ADGRD1: variants seen among roughly 807,000 people sequenced by gnomAD.
ADGRD1 encodes the protein G-protein coupled receptor 133.
Under a neutral mutation model 113.4 loss-of-function variants are expected in ADGRD1, and 77 were observed. The ratio of observed to expected loss-of-function variants is 0.68; its 90% CI spans 0.57 to 0.82. ADGRD1 has a LOEUF of 0.82. Ranked by LOEUF, ADGRD1 falls within the 40% of genes least tolerant of loss-of-function variation. The pLI is 0.00. For synonymous variants in ADGRD1, 474 were observed against 475.0 expected, an observed-to-expected ratio of 1.00 and a Z score of 0.03; for missense variants, 1,036 against 1,139.1, an observed-to-expected ratio of 0.91 and a Z score of 1.30.
At chr12:131,071,230 T>G (rs1181601697) in intron 13 of ADGRD1, among the ~76,000 whole-genome samples, 2 of 100,200 alleles carry the variant, frequency 2.0e-5, no homozygotes, top group African/African-American at 4.0e-5. Flanking sequence ...TGCAAGGAGG[T>G]GGGGCTAAGC....
intron 13 of ADGRD1, among the ~76,000 whole-genome samples, chr12:131,015,401 A>AATGGAG (rs934482531): frequency 1.4e-5 from 2 of 140,960 alleles, no homozygotes; most frequent in African/African-American, 2.7e-5. Context: ...TGGACATGGG[A>AATGGAG]ATGGAGATGG....
In ADGRD1 at chr12:131,005,951, GC is replaced by G; in HGVS notation, c.1256-17del. ...GTGGCCTGGAGCGCTGACAGCGCCT[GC>G]CCCTCTGCTCTCTCTGCAGCCTGGA... On this transcript the variant is annotated intron_variant, in intron 11 of 24. Coordinates refer to ENST00000261654, the MANE Select transcript of ADGRD1 (RefSeq NM_198827.5). The G allele has an allele frequency of 6.2e-7, 1 of 1,602,540 alleles. No homozygotes were observed.
At chr12:131,070,027 T>G (rs2137128354) in intron 13 of ADGRD1, 1 of 152,332 alleles carries the variant, frequency 6.6e-6, no homozygotes, top group East Asian at 1.9e-4. Flanking sequence ...GAGGTTCCTA[T>G]TCCCACGGAG....
intron 13 of ADGRD1, among the ~76,000 whole-genome samples, chr12:131,031,696 G>T (rs560297171): frequency 2.0e-5 from 3 of 152,046 alleles, no homozygotes; most frequent in Non-Finnish European, 4.4e-5. Context: ...CCACCTCCAT[G>T]GATCTCTGTG....
chr12:131,104,450 G>A lies in ADGRD1; in HGVS notation c.1672-381G>A, dbSNP rs112956170. Among the ~76,000 whole-genome samples, 138 of 152,296 alleles carry A rather than the reference G, an allele frequency of 9.1e-4. 1 individual carries two copies. The highest frequency in any genetic ancestry group is 4.8e-3 in the East Asian group (25 of 5,180). On this transcript the variant is annotated intron_variant, in intron 15 of 24. Transcript: ENST00000261654. ...CATGGCCCAGATTGTCAGCCAGGAC[G>A]TGGCCCAGCTGGGACTTGAACCCGG... is the stretch of plus-strand genomic sequence containing the variant.
intron 9 of ADGRD1, among the ~76,000 whole-genome samples, chr12:131,001,673 C>T (rs1345900925): frequency 6.6e-6 from 1 of 152,174 alleles, no homozygotes; most frequent in African/African-American, 2.4e-5. Flanking sequence ...AGAGGAGCCT[C>T]TTCTCCACCC....
chr12:131,116,632 G>A (rs1305932545), intron 18 of ADGRD1, among the ~76,000 whole-genome samples: 3 of 149,740 alleles, frequency 2.0e-5, no homozygotes, highest in African/African-American at 2.6e-5. Flanking sequence ...AGCTACGGAG[G>A]CAGAGAGCCA....
At chr12:131,083,779 G>A (rs1414715109) in intron 14 of ADGRD1, among the ~76,000 whole-genome samples, 1 of 152,164 alleles carries the variant, frequency 6.6e-6, no homozygotes, top group African/African-American at 2.4e-5. Context: ...ATATCCACAC[G>A]TTATTCACGT....
chr12:131,006,105 C>A, intron 12 of ADGRD1, 58 bp downstream of exon 12: 2 of 1,442,462 alleles, frequency 1.4e-6, no homozygotes, highest in Non-Finnish European at 1.9e-6. Flanking sequence ...TGCTGGGTGG[C>A]TGGCCACAGG....
At chr12:130,990,634 C>A (rs1874260685) in intron 6 of ADGRD1, 1 of 181,988 alleles carries the variant, frequency 5.5e-6, no homozygotes, top group Non-Finnish European at 1.1e-5. Flanking sequence ...CTGTGCTGGC[C>A]CAGCGAGTTG....
intron 9 of ADGRD1, chr12:131,002,714 A>C: frequency 8.1e-7 from 1 of 1,232,492 alleles, no homozygotes; most frequent in Non-Finnish European, 1.0e-6. Flanking sequence ...GCAGCCAGAG[A>C]TAGCTCTGGG....
chr12:130,967,562 G>A (rs796827854), intron 3 of ADGRD1: 2 of 152,734 alleles, frequency 1.3e-5, no homozygotes, highest in South Asian at 4.1e-4. Context: ...TTAAAACCAT[G>A]TATTGCTGGT....
intron 4 of ADGRD1, among the ~76,000 whole-genome samples, chr12:130,980,173 C>T (rs918463311): frequency 4.0e-5 from 6 of 151,760 alleles, no homozygotes; most frequent in African/African-American, 7.3e-5. Context: ...GGCACAATCT[C>T]GGCTCACTGC....
intron 13 of ADGRD1, among the ~76,000 whole-genome samples, chr12:131,053,092 C>T (rs1302905805): frequency 6.6e-6 from 1 of 152,246 alleles, no homozygotes; most frequent in Non-Finnish European, 1.5e-5. Context: ...CTGGGCCTTT[C>T]TCGGTCAGAT....
rs576328694 is a variant in ADGRD1 at position 131,087,022 on chromosome 12, C to A, written c.1671+2359C>A. ...CTGGGCTCAGGCTATCCTCCCACCT[C>A]AGCCTCCCAAGTAGCTGGGACTACA... On this transcript the variant is annotated intron_variant, in intron 15 of 24. Coordinates refer to ENST00000261654, the MANE Select transcript of ADGRD1 (RefSeq NM_198827.5). Among the ~76,000 whole-genome samples the A allele has an allele frequency of 3.3e-5, 5 of 152,300 alleles. No individual in the cohort carries two copies. The South Asian group carries it at 1.0e-3, about 32-fold the overall frequency.
rs1457034639 is a variant in ADGRD1, at chr12:130,966,199, G to C, written c.104-264G>C. 1.3e-5 allele frequency among the ~76,000 whole-genome samples: 2 copies of C among 152,172 alleles called. No individual in the cohort carries two copies. Among genetic ancestry groups the C allele is most frequent in the African/African-American group, 2.4e-5 (1 of 41,430 alleles). The stretch of plus-strand genomic sequence containing the variant: ...TAGTGTGTCACCAGTAAATGCAGTG[G>C]CTTCTGTTTTCATGCAACAAGAGGC... On this transcript the variant is annotated intron_variant, in intron 2 of 24. Coordinates refer to ENST00000261654, the MANE Select transcript of ADGRD1 (RefSeq NM_198827.5). The surrounding 1 kb of genome is among the most constrained non-coding windows in gnomAD (Gnocchi z 4.6).
intron 19 of ADGRD1, among the ~76,000 whole-genome samples, chr12:131,119,372 T>G (rs1950539082): frequency 2.6e-5 from 4 of 152,254 alleles, no homozygotes; most frequent in Non-Finnish European, 5.9e-5. Context: ...CGCAGACCAC[T>G]GTTCTGGCCT....
rs891592485 is a variant in ADGRD1, at chr12:130,991,050, T to A, written c.782T>A (p.Leu261His). ...HALLSSTLPS[L>H]FMTSTASPVM... is the part of the protein sequence containing the mutation. ...TTATTGTCTTCAACGCTGCCAAGCCTCTTCATGACATCCACAGCAAGCCCC... is the reference window on the plus strand; with the variant it reads ...TTATTGTCTTCAACGCTGCCAAGCCACTTCATGACATCCACAGCAAGCCCC... The change falls in exon 7 of 25, where the codon CTC becomes CAC. Residue 261 changes from leucine (L) to histidine (H), a missense_variant. Transcript: ENST00000261654. 1.9e-6 allele frequency: 3 copies of A among 1,614,142 alleles called. No individual in the cohort carries two copies. Among genetic ancestry groups the A allele is most frequent in the Admixed American group, 1.7e-5 (1 of 60,024 alleles).
chr12:130,971,427 A>G lies in ADGRD1; in HGVS notation c.188-31A>G, dbSNP rs200036505. 2.7e-3 allele frequency: 4,382 copies of G among 1,603,508 alleles called. 20 individuals are homozygous for G. The highest frequency in any genetic ancestry group is 3.4e-3 in the South Asian group (307 of 90,064). ...AGACTTTTAATCTCGGAAGGTTATT[A>G]ACATATGATGTTGTCATTTTTCTTC... On this transcript the variant is annotated intron_variant, in intron 3 of 24. Coordinates refer to ENST00000261654, the MANE Select transcript of ADGRD1 (RefSeq NM_198827.5). The surrounding 1 kb of genome is among the most constrained non-coding windows in gnomAD (Gnocchi z 4.2).
Sources: gnomAD v4.1 joint callset for allele counts (sites outside exome capture counted in the v4.1 genomes callset) on GRCh38, gnomAD v4.1.1 for gene constraint, Gnocchi (gnomAD v3.1) non-coding constraint, MANE v1.5 for transcripts, NCBI Gene and HGNC (gene_info 2026-07-23, HGNC 2026-07-21) for gene names.